The following KMT2C variants were observed in gnomAD, a reference collection of about 807,000 sequenced individuals.
KMT2C encodes histone-lysine N-methyltransferase 2C.
KMT2C carries 88 observed loss-of-function variants against 507.9 expected under a neutral mutation model. The observed-to-expected ratio is 0.17, with a 90% CI of 0.15 to 0.21. The LOEUF is 0.21. KMT2C is among the 10% of genes least tolerant of loss of function. The probability of loss-of-function intolerance (pLI) is 1.00; values close to 1 mark genes in which losing one functional copy is unlikely to be tolerated. For missense variants in KMT2C, 4,954 were observed against 5,957.8 expected, an observed-to-expected ratio of 0.83 and a Z score of 5.55; for synonymous variants, 2,049 against 2,080.8, an observed-to-expected ratio of 0.98 and a Z score of 0.42.
At chr7:152,202,876 A>G (rs2094190483) in intron 26 of KMT2C, 58 bp downstream of exon 26, 4 of 1,345,842 alleles carry the variant, frequency 3.0e-6, no homozygotes, top group Non-Finnish European at 4.1e-6. Flanking sequence ...TTAAAACTCA[A>G]TACATTTTAT....
Position 152,295,031 on chromosome 7 carries a change from A to G in KMT2C, c.849+14935T>C, listed in dbSNP as rs529325277. Among the ~76,000 whole-genome samples the G allele has an allele frequency of 1.5e-4, 23 of 152,340 alleles. No homozygotes were observed. The South Asian group carries it at 4.6e-3, about 30-fold the overall frequency. The stretch of plus-strand genomic sequence containing the variant: ...GGTTTCAGGCTCAGCACAACCAAAC[A>G]AAACTTGTGATCTTCCAACATACTT... On this transcript the variant is annotated intron_variant, in intron 6 of 58. Coordinates refer to ENST00000262189, the MANE Select transcript of KMT2C (RefSeq NM_170606.3).
At chr7:152,378,491 A>G (rs1024228589) in intron 1 of KMT2C, among the ~76,000 whole-genome samples, 3 of 152,370 alleles carry the variant, frequency 2.0e-5, no homozygotes, top group South Asian at 2.1e-4. Context: ...TTTTTTAAAT[A>G]TAACGCTACT....
intron 11 of KMT2C, 116 bp from the exon 12 acceptor site, chr7:152,251,082 T>C: frequency 1.6e-6 from 1 of 616,374 alleles, no homozygotes; most frequent in Non-Finnish European, 2.9e-6. Context: ...ATGCTTTAAG[T>C]TTTTCTTCAG....
chr7:152,236,063 C>T (rs2095266497), intron 15 of KMT2C, 130 bp from the exon 16 acceptor site: 2 of 566,810 alleles, frequency 3.5e-6, no homozygotes, highest in African/African-American at 3.9e-5. Context: ...ATTAAGAGAC[C>T]TGGCTTATTA....
intron 6 of KMT2C, among the ~76,000 whole-genome samples, chr7:152,292,187 TTAA>T (rs146333586): frequency 2.0e-5 from 3 of 152,182 alleles, no homozygotes; most frequent in Non-Finnish European, 2.9e-5. Flanking sequence ...ATCTAATTTG[TTAA>T]TAATAATATA....
chr7:152,288,470 T>C (rs139633728), intron 6 of KMT2C, among the ~76,000 whole-genome samples: 1 of 151,722 alleles, frequency 6.6e-6, no homozygotes, highest in Non-Finnish European at 1.5e-5. Flanking sequence ...GGGGCGGAGT[T>C]TGCAGTGAGC....
chr7:152,345,380 T>C (rs2097048376), intron 2 of KMT2C, among the ~76,000 whole-genome samples: 1 of 152,114 alleles, frequency 6.6e-6, no homozygotes, highest in Admixed American at 6.5e-5. Context: ...AGTTCAAGGT[T>C]ACAGTGAAAT....
At chr7:152,201,406 T>C (rs901612119) in intron 26 of KMT2C, among the ~76,000 whole-genome samples, 14 of 151,542 alleles carry the variant, frequency 9.2e-5, no homozygotes, top group African/African-American at 3.1e-4. Flanking sequence ...ATTGGGAAAT[T>C]AGACCTAATA....
At chr7:152,425,884 G>T (rs1473002342) in intron 1 of KMT2C, among the ~76,000 whole-genome samples, 1 of 152,020 alleles carries the variant, frequency 6.6e-6, no homozygotes, top group African/African-American at 2.4e-5. Context: ...GATAAAAGAT[G>T]TAAGAAATCA....
intron 7 of KMT2C, among the ~76,000 whole-genome samples, chr7:152,266,833 A>G (rs1271632136): frequency 6.6e-6 from 1 of 152,312 alleles, no homozygotes; most frequent in African/African-American, 2.4e-5. Flanking sequence ...CAAAATGTGG[A>G]CGCTGGCTGG....
chr7:152,254,875 CA>C (rs1289865343), intron 9 of KMT2C, among the ~76,000 whole-genome samples: 1 of 151,518 alleles, frequency 6.6e-6, no homozygotes, highest in African/African-American at 2.4e-5. Flanking sequence ...AATTAGCATG[CA>C]AAAGGCAATA....
At chr7:152,265,679 CTAAGATGCTTCT>C (rs2095848457) in intron 7 of KMT2C, among the ~76,000 whole-genome samples, 1 of 151,958 alleles carries the variant, frequency 6.6e-6, no homozygotes, top group African/African-American at 2.4e-5. Flanking sequence ...ATCAATTAGA[CTAAGATGCTTCT>C]TAAGCATAAA....
chr7:152,312,574 G>C (rs1332993836), intron 4 of KMT2C, among the ~76,000 whole-genome samples: 2 of 152,102 alleles, frequency 1.3e-5, no homozygotes, highest in Non-Finnish European at 2.9e-5. Context: ...TCACAAATTG[G>C]AAGTAAAAAG....
rs886251109 is a variant in KMT2C, at chr7:152,203,166, T to A, written c.3962-102A>T. 2.3e-5 allele frequency: 20 copies of A among 855,120 alleles called. No homozygotes were observed. In the African/African-American group the frequency reaches 2.8e-4, roughly 12 times the overall value. 53.0% of individuals were successfully genotyped at this position (855,120 alleles called of 1,614,324 possible). On this transcript the variant is annotated intron_variant, in intron 25 of 58. Coordinates refer to ENST00000262189, the MANE Select transcript of KMT2C (RefSeq NM_170606.3). ...TTACCAACATACACACAGTTTCATA[T>A]AAACAAACAAGCTTTTTGAACAAAA... is the stretch of plus-strand genomic sequence containing the variant.
At chr7:152,236,767 C>G (rs1299634339) in intron 15 of KMT2C, among the ~76,000 whole-genome samples, 1 of 152,198 alleles carries the variant, frequency 6.6e-6, no homozygotes, top group Non-Finnish European at 1.5e-5. Context: ...TCATAGCTCA[C>G]TGCAGCCTAG....
At chr7:152,184,580 G>A (rs1021326173) in intron 34 of KMT2C, among the ~76,000 whole-genome samples, 3 of 152,126 alleles carry the variant, frequency 2.0e-5, no homozygotes, top group Non-Finnish European at 4.4e-5. Flanking sequence ...AACCTAACAA[G>A]AAAAGAGGTG....
intron 1 of KMT2C, among the ~76,000 whole-genome samples, chr7:152,414,447 G>C (rs953139337): frequency 6.6e-6 from 1 of 152,046 alleles, no homozygotes; most frequent in African/African-American, 2.4e-5. Flanking sequence ...AGTATCGTTT[G>C]AACCTGGGAG....
intron 23 of KMT2C, among the ~76,000 whole-genome samples, chr7:152,211,853 C>T (rs1236747864): frequency 6.6e-6 from 1 of 152,136 alleles, no homozygotes; most frequent in Non-Finnish European, 1.5e-5. Context: ...TAGACACCAT[C>T]CTGGCTAACA....
intron 1 of KMT2C, among the ~76,000 whole-genome samples, chr7:152,400,396 TGGAGAA>T (rs2097565354): frequency 2.6e-5 from 4 of 152,210 alleles, no homozygotes; most frequent in Admixed American, 2.6e-4. Context: ...CTTATTGTAA[TGGAGAA>T]GAAAACACAT....
Sources: allele counts gnomAD v4.1 joint callset (sites outside exome capture counted in the v4.1 genomes callset), GRCh38; gene constraint gnomAD v4.1.1; transcripts MANE v1.5; gene names NCBI Gene and HGNC (gene_info 2026-07-23, HGNC 2026-07-21).